Variants in CDKL1 observed in about 807,000 individuals in gnomAD.
The protein encoded by CDKL1 is cyclin-dependent kinase-like 1.
Under a neutral mutation model 42.0 loss-of-function variants are expected in CDKL1, and 41 were observed. The observed-to-expected ratio is 0.98, with a 90% CI of 0.76 to 1.27. The LOEUF is 1.27. CDKL1 is among the 50% of genes most tolerant of loss of function. The probability of loss-of-function intolerance (pLI) is 0.00; values close to 1 mark genes in which losing one functional copy is unlikely to be tolerated. For synonymous variants in CDKL1, 153 were observed against 158.6 expected, an observed-to-expected ratio of 0.96 and a Z score of 0.26; for missense variants, 394 against 428.4, an observed-to-expected ratio of 0.92 and a Z score of 0.71.
Position 50,338,299 on chromosome 14 carries a change from C to T in CDKL1, c.738+648G>A, listed in dbSNP as rs377457064. On this transcript the variant is annotated intron_variant, in intron 7 of 9. Coordinates refer to ENST00000395834, the MANE Select transcript of CDKL1 (RefSeq NM_004196.7). ...GTACAGTGGTGTGGTGCAATATCGG[C>T]TCACTGCAACCTCCACCTCCTGGGC... Among the ~76,000 whole-genome samples the T allele has an allele frequency of 1.9e-3, 286 of 152,096 alleles. 1 individual carries two copies. Among genetic ancestry groups the T allele is most frequent in the African/African-American group, 6.1e-3 (253 of 41,494 alleles).
chr14:50,344,637 T>C (rs999834884), intron 4 of CDKL1, among the ~76,000 whole-genome samples: 17 of 147,638 alleles, frequency 1.2e-4, no homozygotes, highest in Non-Finnish European at 2.4e-4. Context: ...ACCCAGTTCA[T>C]TTTTTTTTAT....
At chr14:50,362,878 G>A (rs1326985089) in intron 2 of CDKL1, 2 of 413,168 alleles carry the variant, frequency 4.8e-6, no homozygotes, top group South Asian at 1.7e-5. Context: ...CGACCCAGCA[G>A]TGGCAACCTA....
In CDKL1 at chr14:50,358,634, G is replaced by GTTTTTTTTTTT. The variant is rs1379484175; in HGVS notation, c.290+393_290+394insAAAAAAAAAAA. On this transcript the variant is annotated intron_variant, in intron 3 of 9. Transcript: ENST00000395834. ...TACAAACACTGGCTGTTTTTAACTA[G>GTTTTTTTTTTT]TCTTTTTTTTTTTTTTTTTTTTTGA... Among the ~76,000 whole-genome samples the GTTTTTTTTTTT allele has an allele frequency of 1.4e-3, 63 of 45,082 alleles. 1 individual carries two copies. The highest frequency in any genetic ancestry group is 2.2e-3 in the African/African-American group (20 of 9,248). The allele number at this position is 45,082 out of a possible 152,430, so 29.6% of individuals were successfully genotyped here.
At position 50,385,799 on chromosome 14, in the gene CDKL1, G is replaced by A. The variant is rs1313852526; in HGVS notation, c.168+9902C>T. On this transcript the variant is annotated intron_variant, in intron 2 of 9. Transcript: ENST00000395834. ...AACCTAGGCAACAGAGCAAGACTCC[G>A]TCCCAAAAAAAAAAAAAAAAAAAAG... 7.2e-3 allele frequency among the ~76,000 whole-genome samples: 598 copies of A among 82,668 alleles called. 4 individuals carry two copies. The highest frequency in any genetic ancestry group is 0.029 in the African/African-American group (555 of 19,196). The allele number at this position is 82,668 out of a possible 152,430, so 54.2% of individuals were successfully genotyped here. A position where few individuals can be genotyped will look rare whatever the true frequency, so the allele number is the denominator to read the frequency against.
chr14:50,375,867 C>A (rs2034716510), intron 2 of CDKL1, among the ~76,000 whole-genome samples: 2 of 151,956 alleles, frequency 1.3e-5, no homozygotes, highest in Non-Finnish European at 2.9e-5. Flanking sequence ...GGTCTTCTAG[C>A]CCATAACCCT....
chr14:50,342,951 T>G (rs748159082), intron 4 of CDKL1: 1 of 1,357,504 alleles, frequency 7.4e-7, no homozygotes, highest in Non-Finnish European at 9.8e-7. Flanking sequence ...CACACACAAG[T>G]GCTCTGAGAG....
chr14:50,331,997 C>T (rs771126301), intron 9 of CDKL1: 1 of 1,521,990 alleles, frequency 6.6e-7, no homozygotes, highest in Non-Finnish European at 8.8e-7. Flanking sequence ...ACTCATGTAC[C>T]TTGTTGAGAC....
chr14:50,356,635 A>G (rs1165930034), intron 3 of CDKL1, among the ~76,000 whole-genome samples: 3 of 152,234 alleles, frequency 2.0e-5, no homozygotes, highest in African/African-American at 7.2e-5. Context: ...CAATGAGAAC[A>G]CATGGACACA....
At chr14:50,363,013 T>A (rs1206850103) in intron 2 of CDKL1, 1 of 455,886 alleles carries the variant, frequency 2.2e-6, no homozygotes, top group Non-Finnish European at 4.6e-6. Flanking sequence ...GCTTCACTCT[T>A]GAAGCCAGGG....
chr14:50,351,794 CA>C, intron 3 of CDKL1, among the ~76,000 whole-genome samples: 1 of 149,720 alleles, frequency 6.7e-6, no homozygotes, highest in East Asian at 1.9e-4. Flanking sequence ...GAATGTCAAG[CA>C]AATTTTAAAA....
chr14:50,350,239 C>T (rs1176175616), intron 3 of CDKL1, among the ~76,000 whole-genome samples: 5 of 152,248 alleles, frequency 3.3e-5, no homozygotes, highest in African/African-American at 4.8e-5. Context: ...AATTGTAGCC[C>T]GTGCTAGCAA....
intron 3 of CDKL1, among the ~76,000 whole-genome samples, 200 bp from the exon 4 acceptor site, chr14:50,345,258 G>C (rs1326031906): frequency 6.6e-6 from 1 of 152,174 alleles, no homozygotes; most frequent in Non-Finnish European, 1.5e-5. Context: ...GGGAGAACAG[G>C]TTAACAAAAA....
At chr14:50,386,969 G>A (rs370536600) in intron 2 of CDKL1, among the ~76,000 whole-genome samples, 11 of 150,980 alleles carry the variant, frequency 7.3e-5, no homozygotes, top group African/African-American at 2.7e-4. Flanking sequence ...GGAGGTTGCA[G>A]TAAGCCAAGA....
At chr14:50,376,560 T>C (rs1188320230) in intron 2 of CDKL1, 2 of 219,700 alleles carry the variant, frequency 9.1e-6, no homozygotes, top group Non-Finnish European at 1.0e-5. Flanking sequence ...GGCCTATCTA[T>C]TGGCTGATGA....
chr14:50,371,457 T>C (rs1461320129), intron 2 of CDKL1, among the ~76,000 whole-genome samples: 3 of 152,276 alleles, frequency 2.0e-5, no homozygotes, highest in Non-Finnish European at 4.4e-5. Flanking sequence ...GGTTTAAATT[T>C]GCATTTTCCT....
Position 50,361,525 on chromosome 14 carries a change from C to T in CDKL1, c.169-2376G>A, listed in dbSNP as rs74808401. ...ATCAAGGTGCTGGCACTGGTGTCTG[C>T]GGAGGCATGCTCTCTGCTTCCAAAA... is the stretch of plus-strand genomic sequence containing the variant. On this transcript the variant is annotated intron_variant, in intron 2 of 9. Coordinates refer to ENST00000395834, the MANE Select transcript of CDKL1 (RefSeq NM_004196.7). 4.2e-3 allele frequency among the ~76,000 whole-genome samples: 633 copies of T among 152,320 alleles called. 2 individuals carry two copies. The highest frequency in any genetic ancestry group is 0.018 in the South Asian group (85 of 4,824).
intron 7 of CDKL1, chr14:50,335,687 G>A (rs1380724195): frequency 3.4e-6 from 5 of 1,479,988 alleles, no homozygotes; most frequent in Non-Finnish European, 4.5e-6. Flanking sequence ...AGCAAAATAA[G>A]TGACTGCAGT....
At chr14:50,335,540 T>A (rs901735546) in intron 7 of CDKL1, 7 of 1,535,970 alleles carry the variant, frequency 4.6e-6, no homozygotes, top group Admixed American at 3.9e-5. Flanking sequence ...AGTCACGTGC[T>A]GGAGACAATC....
intron 2 of CDKL1, chr14:50,362,542 C>G: frequency 5.2e-6 from 1 of 191,052 alleles, no homozygotes; most frequent in South Asian, 7.7e-5. Flanking sequence ...ACTTGGAGAA[C>G]CTTTATGTGT....
Sources: gnomAD v4.1 joint callset for allele counts (sites outside exome capture counted in the v4.1 genomes callset) on GRCh38, gnomAD v4.1.1 for gene constraint, MANE v1.5 for transcripts, NCBI Gene and HGNC (gene_info 2026-07-23, HGNC 2026-07-21) for gene names.